ACYP2: variants seen among roughly 807,000 people sequenced by gnomAD.
ACYP2 encodes the protein acylphosphatase-2.
A neutral mutation model predicts 11.2 loss-of-function variants in ACYP2; 12 were observed. The observed-to-expected ratio is 1.08, with a 90% CI of 0.69 to 1.74. The LOEUF is 1.74. Among genes scored for constraint, ACYP2 ranks in the 40% most tolerant of loss-of-function variants. The probability of loss-of-function intolerance (pLI) is 0.00; values close to 1 mark genes in which losing one functional copy is unlikely to be tolerated. For synonymous variants in ACYP2, 43 were observed against 32.2 expected, an observed-to-expected ratio of 1.33 and a Z score of -1.13; for missense variants, 134 against 101.9, an observed-to-expected ratio of 1.31 and a Z score of -1.35.
intron 6 of ACYP2, among the ~76,000 whole-genome samples, chr2:54,140,220 A>T (rs970011210): frequency 2.0e-5 from 3 of 152,206 alleles, no homozygotes; most frequent in Non-Finnish European, 2.9e-5. Flanking sequence ...AGAAAATGCC[A>T]AATGATTGTG....
intron 4 of ACYP2, chr2:54,082,927 T>C (rs1471431924): frequency 6.6e-6 from 1 of 151,970 alleles, no homozygotes; most frequent in Non-Finnish European, 1.5e-5. Context: ...ATACAAAAAT[T>C]AGCTGGGCTT....
At chr2:54,264,448 ACCCAGAAG>A (rs1166354090) in intron 6 of ACYP2, among the ~76,000 whole-genome samples, 1 of 152,060 alleles carries the variant, frequency 6.6e-6, no homozygotes, top group African/African-American at 2.4e-5. Context: ...TCCCCACCCG[ACCCAGAAG>A]CCCAGCTGGC....
intron 2 of ACYP2, among the ~76,000 whole-genome samples, chr2:54,005,736 TA>T: frequency 6.6e-6 from 1 of 152,322 alleles, no homozygotes; most frequent in East Asian, 1.9e-4. Context: ...AGCTTTACAG[TA>T]AAGTCTTGAA....
At chr2:54,100,303 CTTT>C (rs201503798) in intron 4 of ACYP2, among the ~76,000 whole-genome samples, 21 of 132,480 alleles carry the variant, frequency 1.6e-4, no homozygotes, top group African/African-American at 1.7e-4. Context: ...TATATACTTC[CTTT>C]TTTTTTTTTT....
intron 2 of ACYP2, among the ~76,000 whole-genome samples, chr2:54,026,279 C>G (rs1358772008): frequency 6.6e-6 from 1 of 151,884 alleles, no homozygotes; most frequent in Non-Finnish European, 1.5e-5. Flanking sequence ...AGACAGTTCT[C>G]AAAAGAAGAT....
chr2:54,088,278 G>A (rs1678043984), intron 4 of ACYP2, among the ~76,000 whole-genome samples: 1 of 152,174 alleles, frequency 6.6e-6, no homozygotes, highest in Non-Finnish European at 1.5e-5. Context: ...AGGTCATGTT[G>A]GATCATGTTC....
intron 4 of ACYP2, among the ~76,000 whole-genome samples, chr2:54,128,939 A>G (rs891133749): frequency 6.6e-6 from 1 of 152,166 alleles, no homozygotes; most frequent in Non-Finnish European, 1.5e-5. Flanking sequence ...TAATCTCTGG[A>G]AACACCCTTA....
intron 6 of ACYP2, among the ~76,000 whole-genome samples, chr2:54,203,744 T>C (rs975483314): frequency 3.0e-4 from 45 of 152,254 alleles, no homozygotes; most frequent in African/African-American, 7.5e-4. Context: ...TCTACTAATA[T>C]GGTATATTAC....
Position 54,012,080 on chromosome 2 carries a change from A to G in ACYP2, c.62+38270A>G, listed in dbSNP as rs139760720. ...GTGAAACCGCATCTCTACTAAAAAAACAAAAATTAGCCAGGCGTGGTGGCG... is the reference window on the plus strand; with the variant it reads ...GTGAAACCGCATCTCTACTAAAAAAGCAAAAATTAGCCAGGCGTGGTGGCG... On this transcript the variant is annotated intron_variant, in intron 2 of 6. Transcript: ENST00000607452. 3.5e-3 allele frequency among the ~76,000 whole-genome samples: 537 copies of G among 152,254 alleles called. 5 individuals are homozygous for G. Among genetic ancestry groups the G allele is most frequent in the African/African-American group, 0.012 (504 of 41,548 alleles).
chr2:54,231,614 A>G (rs2103967406), intron 6 of ACYP2, among the ~76,000 whole-genome samples: 1 of 152,342 alleles, frequency 6.6e-6, no homozygotes, highest in African/African-American at 2.4e-5. Flanking sequence ...GTTGGGAATG[A>G]TATCGAATTT....
chr2:54,098,387 T>A (rs1472290287), intron 4 of ACYP2, among the ~76,000 whole-genome samples: 1 of 152,112 alleles, frequency 6.6e-6, no homozygotes, highest in East Asian at 1.9e-4. Context: ...TTTCATTGTC[T>A]CCTGAATGTC....
At chr2:54,256,560 T>G (rs910455429) in intron 6 of ACYP2, among the ~76,000 whole-genome samples, 4 of 152,342 alleles carry the variant, frequency 2.6e-5, no homozygotes, top group Admixed American at 6.5e-5. Context: ...ACATGCTAGA[T>G]ACTAGTCAGT....
Position 54,115,864 on chromosome 2 carries a change from G to A in ACYP2, c.278-19589G>A, listed in dbSNP as rs1056638530. The A allele has an allele frequency of 6.0e-6, 8 of 1,341,316 alleles. No homozygotes were observed. The East Asian group carries it at 8.9e-5, about 15-fold the overall frequency. 83.1% of individuals were successfully genotyped at this position (1,341,316 alleles called of 1,614,324 possible). On this transcript the variant is annotated intron_variant, in intron 4 of 6. Coordinates refer to ENST00000607452, the MANE Select transcript of ACYP2 (RefSeq NM_001320586.2). ...GTATGCCTTTTCCCGTTGTGGCTGG[G>A]ACTTCCGCTCCGCCATGACACAGCA...
chr2:54,300,986 C>G (rs72901533), intron 6 of ACYP2, among the ~76,000 whole-genome samples: 15,609 of 152,138 alleles, frequency 0.1, 1,024 homozygotes, highest in African/African-American at 0.18. Flanking sequence ...TACTTACTGG[C>G]TATTTATATT....
chr2:54,150,071 A>G (rs534961666), intron 6 of ACYP2, among the ~76,000 whole-genome samples: 1 of 152,316 alleles, frequency 6.6e-6, no homozygotes, highest in Non-Finnish European at 1.5e-5. Context: ...TAATGGTGGA[A>G]TTTTATCAAT....
At chr2:54,151,695 C>G (rs1471716731) in intron 6 of ACYP2, among the ~76,000 whole-genome samples, 1 of 152,140 alleles carries the variant, frequency 6.6e-6, no homozygotes, top group Non-Finnish European at 1.5e-5. Context: ...AATACTAAAT[C>G]ATTTATTTTC....
At position 54,108,064 on chromosome 2, in the gene ACYP2, C is replaced by T. The variant is rs1679261394; in HGVS notation, c.278-27389C>T. On this transcript the variant is annotated intron_variant, in intron 4 of 6. Transcript: ENST00000607452. Reference sequence around the variant, plus strand: ...GTAAAACAGATGTCCTGTGCCCTGCCTCTTGGTGCCCCACAAGCCAGTGAA... The same window carrying T: ...GTAAAACAGATGTCCTGTGCCCTGCTTCTTGGTGCCCCACAAGCCAGTGAA... Among the ~76,000 whole-genome samples the T allele has an allele frequency of 3.3e-5, 5 of 152,182 alleles. No individual in the cohort carries two copies. The South Asian group carries it at 1.0e-3, about 32-fold the overall frequency.
intron 4 of ACYP2, among the ~76,000 whole-genome samples, chr2:54,076,799 C>G (rs956804119): frequency 1.3e-5 from 2 of 152,016 alleles, no homozygotes; most frequent in Non-Finnish European, 2.9e-5. Context: ...TAGGAGTGGT[C>G]AAATATAGCT....
At chr2:54,291,327 C>T (rs1447211425) in intron 6 of ACYP2, among the ~76,000 whole-genome samples, 4 of 152,176 alleles carry the variant, frequency 2.6e-5, no homozygotes, top group South Asian at 4.1e-4. Context: ...TGTTCTAGTG[C>T]TGAGAACCCT....
Sources: allele counts gnomAD v4.1 joint callset (sites outside exome capture counted in the v4.1 genomes callset), GRCh38; gene constraint gnomAD v4.1.1; transcripts MANE v1.5; gene names NCBI Gene and HGNC (gene_info 2026-07-23, HGNC 2026-07-21).